The following BIRC6 variants were observed in gnomAD, a reference collection of about 807,000 sequenced individuals.
The protein encoded by BIRC6 is baculoviral IAP repeat containing 6, also known as dual E2 ubiquitin-conjugating enzyme/E3 ubiquitin-protein ligase BIRC6.
BIRC6 carries 98 observed loss-of-function variants against 503.3 expected under a neutral mutation model. That is an observed-to-expected ratio of 0.19 (90% confidence interval 0.17 to 0.23). The LOEUF (loss-of-function observed/expected upper bound fraction) is 0.23, where lower values mean the gene tolerates loss of function less well. Ranked by LOEUF, BIRC6 falls within the 10% of genes least tolerant of loss-of-function variation. The probability of loss-of-function intolerance (pLI) is 1.00; values close to 1 mark genes in which losing one functional copy is unlikely to be tolerated. For missense variants in BIRC6, 5,360 were observed against 5,806.0 expected (o/e 0.92, Z 2.50); for synonymous variants, 2,240 against 2,078.7 (o/e 1.08, Z -2.11).
chr2:32,575,088 C>T, intron 65 of BIRC6, 68 bp from the exon 66 acceptor site: 1 of 1,528,406 alleles, frequency 6.5e-7, no homozygotes, highest in Non-Finnish European at 9.0e-7. Flanking sequence ...GTAAAAGCTA[C>T]ATTCCTGTGG....
intron 9 of BIRC6, among the ~76,000 whole-genome samples, chr2:32,409,632 T>C (rs2041633015): frequency 6.6e-6 from 1 of 152,118 alleles, no homozygotes; most frequent in African/African-American, 2.4e-5. Context: ...TTGAGAAGAA[T>C]GTTTGGTAGG....
At chr2:32,504,034 TTGTGTGTGTG>T (rs556051105) in intron 49 of BIRC6, among the ~76,000 whole-genome samples, 48 of 78,246 alleles carry the variant, frequency 6.1e-4, no homozygotes, top group Admixed American at 7.1e-4. Flanking sequence ...GGGGGGGTGT[TTGTGTGTGTG>T]TGTGTGTGTG....
chr2:32,433,188 A>G (rs1431628792), intron 12 of BIRC6, among the ~76,000 whole-genome samples: 2 of 152,202 alleles, frequency 1.3e-5, no homozygotes, highest in Non-Finnish European at 2.9e-5. Flanking sequence ...GATGTCTAGT[A>G]GACATTTGGA....
intron 65 of BIRC6, among the ~76,000 whole-genome samples, chr2:32,569,884 G>T (rs2059805161): frequency 6.6e-6 from 1 of 151,834 alleles, no homozygotes; most frequent in African/African-American, 2.4e-5. Context: ...GGAAAATGTT[G>T]ACTTCCTGCT....
In BIRC6 at chr2:32,416,136, A is replaced by G; in HGVS notation, c.2845A>G (p.Thr949Ala). 4.3e-6 allele frequency: 7 copies of G among 1,610,542 alleles called. No homozygotes were observed. The highest frequency in any genetic ancestry group is 5.9e-6 in the Non-Finnish European group (7 of 1,178,028). ...TFVSVIYCSGTDRLCACTKGG... is the reference protein window; with the variant it reads ...TFVSVIYCSGADRLCACTKGG... ...TGTTTCTGTGATTTACTGTTCTGGCACAGACAGGCTGTGTGCATGCACCAA... is the reference window on the plus strand; with the variant it reads ...TGTTTCTGTGATTTACTGTTCTGGCGCAGACAGGCTGTGTGCATGCACCAA... The change falls in exon 10 of 74, where the codon ACA becomes GCA. Residue 949 changes from threonine to alanine, a missense_variant. Around this residue, in one of 16 missense-constraint regions of BIRC6, gnomAD observed 700 missense variants for 739.3 expected, o/e 0.95. Transcript: ENST00000421745.
rs766733550 is a variant in BIRC6, at chr2:32,515,413, C to T, written c.10992C>T (p.Leu3664=). 1.9e-6 allele frequency: 3 copies of T among 1,612,986 alleles called. No individual in the cohort carries two copies. Among genetic ancestry groups the T allele is most frequent in the Non-Finnish European group, 2.5e-6 (3 of 1,179,854 alleles). The part of the protein sequence containing the change: ...AQSIDISQDK[L]RRHHVPQQCN... ...CAATAGATATTTCCCAGGACAAACT[C>T]AGGCGCCATCATGTCCCACAACAAT... is the stretch of plus-strand genomic sequence containing the variant. The change falls in exon 55 of 74, where the codon CTC becomes CTT. Residue 3664 remains leucine, a synonymous_variant. Transcript: ENST00000421745.
intron 70 of BIRC6, among the ~76,000 whole-genome samples, chr2:32,600,686 T>A (rs971927688): frequency 6.6e-6 from 1 of 152,222 alleles, no homozygotes; most frequent in Admixed American, 6.5e-5. Flanking sequence ...TTCTCAAGGC[T>A]TCGTTGCATA....
chr2:32,369,941 AAAAAATATATATATATATATATATAT>A (rs1307116415), intron 1 of BIRC6, among the ~76,000 whole-genome samples: 2 of 46,042 alleles, frequency 4.3e-5, no homozygotes. Context: ...AAAAAAAAAA[AAAAAATATATATATATATATATATAT>A]ATATATATAT....
intron 1 of BIRC6, among the ~76,000 whole-genome samples, chr2:32,369,980 ATATATGTATG>A (rs1245627208): frequency 6.0e-4 from 30 of 49,748 alleles, no homozygotes; most frequent in South Asian, 1.8e-3. Context: ...ATATATATAT[ATATATGTATG>A]TATGTATGTG....
intron 65 of BIRC6, among the ~76,000 whole-genome samples, chr2:32,566,832 A>G (rs975124151): frequency 6.6e-6 from 1 of 152,182 alleles, no homozygotes; most frequent in Non-Finnish European, 1.5e-5. Context: ...GTTGATTGTT[A>G]TATAAAATTA....
At chr2:32,608,678 A>G (rs1484255111) in intron 72 of BIRC6, among the ~76,000 whole-genome samples, 3 of 151,436 alleles carry the variant, frequency 2.0e-5, no homozygotes, top group Non-Finnish European at 4.4e-5. Flanking sequence ...TGGCCTCCCA[A>G]AGTGCTGGGA....
intron 1 of BIRC6, among the ~76,000 whole-genome samples, chr2:32,371,373 A>G (rs1347189840): frequency 2.6e-5 from 4 of 151,400 alleles, no homozygotes; most frequent in Non-Finnish European, 5.9e-5. Flanking sequence ...ACTTTCTTCT[A>G]TTAGTATTAT....
At chr2:32,533,887 G>C (rs2056981817) in intron 61 of BIRC6, among the ~76,000 whole-genome samples, 1 of 152,132 alleles carries the variant, frequency 6.6e-6, no homozygotes, top group South Asian at 2.1e-4. Context: ...GTGCTGTTCT[G>C]AGCCACTGAG....
At position 32,415,890 on chromosome 2, in the gene BIRC6, T is replaced by C. The variant is rs759989434; in HGVS notation, c.2599T>C (p.Leu867=). 4 of 1,613,942 alleles carry C rather than the reference T, an allele frequency of 2.5e-6. No individual in the cohort carries two copies. Among genetic ancestry groups the C allele is most frequent in the Non-Finnish European group, 3.4e-6 (4 of 1,179,884 alleles). ...TSLILLPPDI[L]DNREDDCEEP... is the part of the protein sequence containing the mutation. ...GCTCATTTTGCTTCCACCCGATATA[T>C]TGGATAATCGAGAGGATGACTGTGA... The change falls in exon 10 of 74, where the codon TTG becomes CTG. Residue 867 remains leucine, a synonymous_variant. Transcript: ENST00000421745.
intron 9 of BIRC6, among the ~76,000 whole-genome samples, chr2:32,409,638 G>A (rs1177407380): frequency 6.6e-6 from 1 of 152,094 alleles, no homozygotes; most frequent in Non-Finnish European, 1.5e-5. Flanking sequence ...AGAATGTTTG[G>A]TAGGAAGTTA....
intron 65 of BIRC6, among the ~76,000 whole-genome samples, chr2:32,571,871 TTC>T (rs1186918061): frequency 6.6e-6 from 1 of 152,198 alleles, no homozygotes; most frequent in African/African-American, 2.4e-5. Context: ...GGCTATACAC[TTC>T]TCTCTCTTTG....
chr2:32,399,954 A>ATTATTT lies in BIRC6; in HGVS notation c.1035-1194_1035-1189dup, dbSNP rs552371010. 7.5e-3 allele frequency among the ~76,000 whole-genome samples: 1,133 copies of ATTATTT among 151,838 alleles called. 13 individuals carry two copies. Among genetic ancestry groups the ATTATTT allele is most frequent in the Non-Finnish European group, 0.011 (753 of 67,934 alleles). On this transcript the variant is annotated intron_variant, in intron 6 of 73. Coordinates refer to ENST00000421745, the MANE Select transcript of BIRC6 (RefSeq NM_016252.4). ...AGGCACATGCTACCACACCCAGCTA[A>ATTATTT]TTATTTTTATTTTTATTTTTTGTAG...
rs771279419 is a variant in BIRC6, at chr2:32,428,754, T to TAA, written c.2873-391_2873-390insAA. Among the ~76,000 whole-genome samples, 9 of 152,314 alleles carry TAA rather than the reference T, an allele frequency of 5.9e-5. No homozygotes were observed. In the South Asian group the frequency reaches 1.2e-3, roughly 21 times the overall value. ...AATAAGAGTATTTGTTAAGTTTTGT[T>TAA]ATTGTTGAGATTAAGAGATCTGGCT... On this transcript the variant is annotated intron_variant, in intron 10 of 73. Transcript: ENST00000421745.
In BIRC6 at chr2:32,615,698, G is replaced by A. The variant is rs572197765; in HGVS notation, c.14395-2027G>A. 9.9e-5 allele frequency among the ~76,000 whole-genome samples: 15 copies of A among 152,076 alleles called. No homozygotes were observed. In the East Asian group the frequency reaches 2.3e-3, roughly 24 times the overall value. ...GCCAGGCTGGAGTGCAGTGCTGTGC[G>A]ATCTCAGCTCACTGGAACCTCTGCC... On this transcript the variant is annotated intron_variant, in intron 73 of 73. Transcript: ENST00000421745.
Sources: gnomAD v4.1 joint callset for allele counts (sites outside exome capture counted in the v4.1 genomes callset) on GRCh38, gnomAD v4.1.1 for gene constraint, gnomAD v4.1.1 regional missense constraint, MANE v1.5 for transcripts, NCBI Gene and HGNC (gene_info 2026-07-23, HGNC 2026-07-21) for gene names.